The following SNX31 variants were observed in gnomAD, a reference collection of about 807,000 sequenced individuals.
SNX31 encodes sorting nexin 31.
SNX31 carries 58 observed loss-of-function variants against 65.4 expected under a neutral mutation model. The ratio of observed to expected loss-of-function variants is 0.89; its 90% confidence interval spans 0.72 to 1.10. SNX31 has a LOEUF of 1.10. Among genes scored for constraint, SNX31 ranks in the 50% least tolerant of loss-of-function variants. The probability of loss-of-function intolerance (pLI) is 0.00; values close to 1 mark genes in which losing one functional copy is unlikely to be tolerated. For missense variants in SNX31, 523 were observed against 529.7 expected, an observed-to-expected ratio of 0.99 and a Z score of 0.12; for synonymous variants, 181 against 190.1, an observed-to-expected ratio of 0.95 and a Z score of 0.39.
chr8:100,655,765 T>C (rs1218916192), intron 1 of SNX31, among the ~76,000 whole-genome samples: 1 of 152,170 alleles, frequency 6.6e-6, no homozygotes, highest in Non-Finnish European at 1.5e-5. Context: ...CCTGATCTTT[T>C]GAAGGTTGCA....
chr8:100,657,242 C>T (rs1160986909), intron 1 of SNX31, among the ~76,000 whole-genome samples: 4 of 151,944 alleles, frequency 2.6e-5, no homozygotes, highest in African/African-American at 9.7e-5. Context: ...CACCTGAGGT[C>T]GGGAGTTCAA....
At position 100,662,007 on chromosome 8, in the gene SNX31, T is replaced by A. The variant is rs188869827; in HGVS notation, c.-58+1135A>T. ...GTCCAGCTAATTTTTGTATTTTTAGTAGAGACAGGGTTTCGCCATGTTGGC... is the reference window on the plus strand; with the variant it reads ...GTCCAGCTAATTTTTGTATTTTTAGAAGAGACAGGGTTTCGCCATGTTGGC... On this transcript the variant is annotated intron_variant, in intron 1 of 5. Coordinates refer to the SNX31 transcript ENST00000520352. Among the ~76,000 whole-genome samples, 16 of 152,298 alleles carry A rather than the reference T, an allele frequency of 1.1e-4. No individual in the cohort carries two copies. In the East Asian group the frequency reaches 3.1e-3, roughly 29 times the overall value.
intron 3 of SNX31, among the ~76,000 whole-genome samples, chr8:100,634,584 T>TA (rs1212605684): frequency 7.4e-5 from 11 of 149,216 alleles, no homozygotes; most frequent in Admixed American, 6.6e-4. Context: ...CCATCTCTAC[T>TA]AAAAAAATAC....
At chr8:100,649,140 C>G in intron 2 of SNX31, 134 bp downstream of exon 2, 1 of 777,496 alleles carries the variant, frequency 1.3e-6, no homozygotes, top group Non-Finnish European at 2.2e-6. Context: ...TACCAGGACC[C>G]TGTTTCACAA....
At chr8:100,636,365 CG>C (rs1352302924) in intron 2 of SNX31, among the ~76,000 whole-genome samples, 2 of 152,166 alleles carry the variant, frequency 1.3e-5, no homozygotes, top group Non-Finnish European at 2.9e-5. Context: ...TCAATTACAA[CG>C]GGAATTAAAT....
intron 11 of SNX31, among the ~76,000 whole-genome samples, chr8:100,587,557 T>C (rs1814161514): frequency 6.6e-6 from 1 of 152,180 alleles, no homozygotes; most frequent in Non-Finnish European, 1.5e-5. Flanking sequence ...ATTATGTATA[T>C]GTGAATAAGT....
At chr8:100,579,915 T>G (rs1813348629) in intron 12 of SNX31, among the ~76,000 whole-genome samples, 1 of 152,012 alleles carries the variant, frequency 6.6e-6, no homozygotes, top group Non-Finnish European at 1.5e-5. Context: ...ATCTCAGCAC[T>G]TCGGGAGGCC....
intron 11 of SNX31, among the ~76,000 whole-genome samples, chr8:100,586,923 T>C (rs936281569): frequency 6.6e-6 from 1 of 152,206 alleles, no homozygotes; most frequent in African/African-American, 2.4e-5. Flanking sequence ...CTTAATTTAG[T>C]AAAAAGGACT....
intron 10 of SNX31, among the ~76,000 whole-genome samples, chr8:100,592,307 A>G (rs1814658651): frequency 6.6e-6 from 1 of 152,236 alleles, no homozygotes; most frequent in African/African-American, 2.4e-5. Flanking sequence ...GATGGGATAA[A>G]TAACAATGTT....
chr8:100,654,747 T>A (rs1484377754), intron 1 of SNX31, among the ~76,000 whole-genome samples: 1 of 152,182 alleles, frequency 6.6e-6, no homozygotes, highest in East Asian at 1.9e-4. Context: ...GTGCAGTGGC[T>A]CTCACCTGTA....
chr8:100,572,990 G>C lies in SNX31; in HGVS notation c.*875C>G, dbSNP rs1812766300. The C allele has an allele frequency of 6.6e-6, 1 of 152,412 alleles. No individual in the cohort carries two copies. The highest frequency in any genetic ancestry group is 1.5e-5 in the Non-Finnish European group (1 of 68,002). 9.4% of individuals were successfully genotyped at this position (152,412 alleles called of 1,614,324 possible). On this transcript the variant is annotated 3_prime_UTR_variant, in exon 14 of 14. Transcript: ENST00000311812. ...CTAATTACACTATACAGATTCCTCT[G>C]ATCATCTCCCTTATTGTGGTCTTAA...
At chr8:100,633,243 G>T (rs1488248794) in intron 3 of SNX31, among the ~76,000 whole-genome samples, 1 of 152,002 alleles carries the variant, frequency 6.6e-6, no homozygotes, top group African/African-American at 2.4e-5. Flanking sequence ...TGTTGGTGAA[G>T]TTTGAATAAG....
intron 1 of SNX31, among the ~76,000 whole-genome samples, chr8:100,657,101 T>A (rs1820064113): frequency 6.6e-6 from 1 of 152,058 alleles, no homozygotes; most frequent in South Asian, 2.1e-4. Context: ...AATGTAATTT[T>A]AAAAAATGAG....
intron 7 of SNX31, among the ~76,000 whole-genome samples, chr8:100,611,397 G>T (rs919753695): frequency 6.6e-6 from 1 of 151,834 alleles, no homozygotes; most frequent in African/African-American, 2.4e-5. Flanking sequence ...TTTCTTGTTC[G>T]CCTATCAGTA....
Position 100,614,713 on chromosome 8 carries a change from TA to T in SNX31, c.433-1629del, listed in dbSNP as rs919034752. Among the ~76,000 whole-genome samples the T allele has an allele frequency of 7.7e-4, 116 of 150,760 alleles. No individual in the cohort carries two copies. Among genetic ancestry groups the T allele is most frequent in the Non-Finnish European group, 1.4e-3 (92 of 67,602 alleles). ...AACATAGTGAAACCCCATCTCTACT[TA>T]AAAAAAAATACAAAAATTAGCTGGG... On this transcript the variant is annotated intron_variant, in intron 5 of 13. Coordinates refer to ENST00000311812, the MANE Select transcript of SNX31 (RefSeq NM_152628.4). The surrounding 1 kb of genome is among the most constrained non-coding windows in gnomAD (Gnocchi z 5.1).
chr8:100,647,876 C>T (rs186218660), intron 2 of SNX31, among the ~76,000 whole-genome samples: 9,969 of 152,256 alleles, frequency 0.065, 451 homozygotes, highest in Non-Finnish European at 0.095. Context: ...CCTGCCTCTG[C>T]AGTCCTCACA....
intron 3 of SNX31, 43 bp downstream of exon 3, chr8:100,635,854 A>G (rs1281698276): frequency 2.2e-6 from 3 of 1,387,530 alleles, no homozygotes; most frequent in Non-Finnish European, 3.1e-6. Flanking sequence ...TATAGCTTAC[A>G]TTGCAATAAA....
rs1236344037 is a variant in SNX31 at position 100,649,515 on chromosome 8, G to A, written c.-1C>T. Reference sequence around the variant, plus strand: ...CCGGGATACAGAAATGCATCTTCATGGCTGAGCGGTGTCTTGGGAGTAGCG... The same window carrying A: ...CCGGGATACAGAAATGCATCTTCATAGCTGAGCGGTGTCTTGGGAGTAGCG... On this transcript the variant is annotated 5_prime_UTR_variant, in exon 1 of 14. Transcript: ENST00000311812. 3.8e-6 allele frequency: 6 copies of A among 1,565,698 alleles called. No individual in the cohort carries two copies. The Admixed American group carries it at 9.5e-5, about 25-fold the overall frequency.
At chr8:100,591,422 G>T (rs1185162059) in intron 10 of SNX31, among the ~76,000 whole-genome samples, 3 of 150,310 alleles carry the variant, frequency 2.0e-5, no homozygotes, top group Non-Finnish European at 3.0e-5. Flanking sequence ...CCGGGAGGCG[G>T]AGCTTGCAGT....
Sources: allele counts gnomAD v4.1 joint callset (sites outside exome capture counted in the v4.1 genomes callset), GRCh38; gene constraint gnomAD v4.1.1; non-coding constraint Gnocchi (gnomAD v3.1); transcripts MANE v1.5; gene names NCBI Gene and HGNC (gene_info 2026-07-23, HGNC 2026-07-21).